The following P2RX1 variants were observed in gnomAD, a reference collection of about 807,000 sequenced individuals.
The protein encoded by P2RX1 is P2X purinoceptor 1.
P2RX1 carries 42 observed loss-of-function variants against 50.3 expected under a neutral mutation model. That is an observed-to-expected ratio of 0.83 (90% CI 0.65 to 1.08). P2RX1 has a LOEUF of 1.08. Ranked by LOEUF, P2RX1 falls within the 50% of genes least tolerant of loss-of-function variation. P2RX1 has a pLI of 0.00. For synonymous variants in P2RX1, 199 were observed against 202.6 expected (o/e 0.98, Z 0.15); for missense variants, 449 against 529.0 (o/e 0.85, Z 1.48).
In P2RX1 at chr17:3,916,157, C is replaced by G. The variant is rs986076154; in HGVS notation, c.69G>C (p.Leu23=). ...LFEYDTPRMV[L]VRNKKVGVIF... ...TAACGCCCACCTTCTTATTACGCAC[C>G]AGCACCATGCGGGGGGTGTCATACT... Residue 23 remains leucine (L), a synonymous_variant, in exon 1 of 12, where the codon CTG becomes CTC. Coordinates refer to ENST00000225538, the MANE Select transcript of P2RX1 (RefSeq NM_002558.4). 5.6e-6 allele frequency: 9 copies of G among 1,613,576 alleles called. No individual in the cohort carries two copies. The highest frequency in any genetic ancestry group is 1.1e-5 in the South Asian group (1 of 91,080).
intron 7 of P2RX1, among the ~76,000 whole-genome samples, chr17:3,901,288 C>A (rs184592924): frequency 6.6e-6 from 1 of 152,212 alleles, no homozygotes. Flanking sequence ...AGGATGGTCT[C>A]GATCTCCTGA....
chr17:3,903,425 A>T lies in P2RX1; in HGVS notation c.606-82T>A, dbSNP rs913968396. The T allele has an allele frequency of 1.9e-6, 3 of 1,588,862 alleles. No individual in the cohort carries two copies. In the African/African-American group the frequency reaches 4.0e-5, roughly 21 times the overall value. On this transcript the variant is annotated intron_variant, in intron 6 of 11. Transcript: ENST00000225538. The surrounding 1 kb of genome is among the most constrained non-coding windows in gnomAD (Gnocchi z 4.6). Reference sequence around the variant, plus strand: ...ACGCCCCAAAGCCTGGGGACCCCTCACAGGCTCCACATTGCCCCTTTGATT... The same window carrying T: ...ACGCCCCAAAGCCTGGGGACCCCTCTCAGGCTCCACATTGCCCCTTTGATT...
rs1387206935 is a variant in P2RX1 at position 3,903,536 on chromosome 17, G to T, written c.605+15C>A. Reference sequence around the variant, plus strand: ...CGGCCAGCTGCCTGCATTTCTGCCCGAATTTCCCACGCACCTGTTGACCTT... The same window carrying T: ...CGGCCAGCTGCCTGCATTTCTGCCCTAATTTCCCACGCACCTGTTGACCTT... On this transcript the variant is annotated intron_variant, in intron 6 of 11. Coordinates refer to ENST00000225538, the MANE Select transcript of P2RX1 (RefSeq NM_002558.4). This position sits in a 1 kb window ranked among gnomAD's most constrained non-coding sequence, Gnocchi z 4.6. The T allele has an allele frequency of 6.2e-7, 1 of 1,613,656 alleles. No homozygotes were observed.
Position 3,916,103 on chromosome 17 carries a change from C to G in P2RX1, c.123G>C (p.Leu41=). The G allele has an allele frequency of 1.2e-6, 2 of 1,613,590 alleles. 1 individual carries two copies. ...VIFRLIQLVV[L]VYVIGWVFLY... is the part of the protein sequence containing the mutation. ...CCCGGACTCACCCGATGACGTAGAC[C>G]AGGACCACCAGCTGGATCAGTCGGA... The change falls in exon 1 of 12, where the codon CTG becomes CTC. Residue 41 remains leucine, a synonymous_variant. Transcript: ENST00000225538.
In P2RX1 at chr17:3,899,769, G is replaced by T. The variant is rs762864756; in HGVS notation, c.748-8C>A. Reference sequence around the variant, plus strand: ...GATGCCAACCACTCCACCCTGCCAGGGACACAAGTAGTTAAGATCTGGGAT... The same window carrying T: ...GATGCCAACCACTCCACCCTGCCAGTGACACAAGTAGTTAAGATCTGGGAT... On this transcript the variant is annotated splice_polypyrimidine_tract_variant and splice_region_variant and intron_variant, in intron 7 of 11. Transcript: ENST00000225538. The T allele has an allele frequency of 1.9e-6, 3 of 1,612,922 alleles. No individual in the cohort carries two copies. Among genetic ancestry groups the T allele is most frequent in the East Asian group, 4.5e-5 (2 of 44,830 alleles).
At chr17:3,899,493 A>C in intron 8 of P2RX1, 141 bp downstream of exon 8, 5 of 1,137,722 alleles carry the variant, frequency 4.4e-6, no homozygotes, top group Non-Finnish European at 1.3e-6. Context: ...GGCTTCCTGC[A>C]TGGCCACCCA....
At chr17:3,899,830 G>A in intron 7 of P2RX1, 69 bp from the exon 8 acceptor site, 1 of 1,583,178 alleles carries the variant, frequency 6.3e-7, no homozygotes, top group South Asian at 1.1e-5. Flanking sequence ...GCCGGGCGCA[G>A]TGGCTCACAC....
chr17:3,901,315 C>G (rs1339280667), intron 7 of P2RX1, among the ~76,000 whole-genome samples: 3 of 152,262 alleles, frequency 2.0e-5, no homozygotes, highest in Admixed American at 2.0e-4. Flanking sequence ...GATCCGCCCG[C>G]CTTGGCCTCC....
chr17:3,915,302 A>G (rs2056429694), intron 1 of P2RX1: 5 of 379,212 alleles, frequency 1.3e-5, no homozygotes, highest in Non-Finnish European at 1.6e-5. Flanking sequence ...ATATGTACAC[A>G]TAAGGGTACC....
At chr17:3,911,375 C>T (rs1404775463) in intron 1 of P2RX1, among the ~76,000 whole-genome samples, 7 of 152,188 alleles carry the variant, frequency 4.6e-5, no homozygotes, top group Admixed American at 3.9e-4. Context: ...ATAAATCTCA[C>T]TTCCCACTTC....
chr17:3,903,511 C>A lies in P2RX1; in HGVS notation c.605+40G>T. ...CAGCTGAGAGCTGCCGGAGCGGCCCCGGCCAGCTGCCTGCATTTCTGCCCG... is the reference window on the plus strand; with the variant it reads ...CAGCTGAGAGCTGCCGGAGCGGCCCAGGCCAGCTGCCTGCATTTCTGCCCG... On this transcript the variant is annotated intron_variant, in intron 6 of 11. Coordinates refer to ENST00000225538, the MANE Select transcript of P2RX1 (RefSeq NM_002558.4). This position sits in a 1 kb window ranked among gnomAD's most constrained non-coding sequence, Gnocchi z 4.6. 6.2e-7 allele frequency: 1 copy of A among 1,606,194 alleles called. No individual in the cohort carries two copies. The highest frequency in any genetic ancestry group is 8.5e-7 in the Non-Finnish European group (1 of 1,173,268).
chr17:3,900,140 C>A (rs1241324266), intron 7 of P2RX1, among the ~76,000 whole-genome samples: 1 of 150,400 alleles, frequency 6.6e-6, no homozygotes, highest in Non-Finnish European at 1.5e-5. Context: ...ACAGCTGGTA[C>A]ACGCACTCTC....
In P2RX1 at chr17:3,897,763, C is replaced by T; in HGVS notation, c.*51G>A. 6.4e-7 allele frequency: 1 copy of T among 1,562,056 alleles called. No homozygotes were observed. Among genetic ancestry groups the T allele is most frequent in the Non-Finnish European group, 8.8e-7 (1 of 1,138,774 alleles). ...CTGCCCTGGCTGGGACCCACCAGGG[C>T]TCCAGGCTGAAGCCTCACGCTGCAC... On this transcript the variant is annotated 3_prime_UTR_variant, in exon 12 of 12. Transcript: ENST00000225538.
Position 3,904,946 on chromosome 17 carries a change from G to A in P2RX1, c.286-17C>T. 3.7e-6 allele frequency: 5 copies of A among 1,334,348 alleles called. No homozygotes were observed. The highest frequency in any genetic ancestry group is 5.3e-6 in the Non-Finnish European group (5 of 941,970). The allele number at this position is 1,334,348 out of a possible 1,614,324, so 82.7% of individuals were successfully genotyped here. On this transcript the variant is annotated splice_polypyrimidine_tract_variant and intron_variant, in intron 2 of 11. Transcript: ENST00000225538. ...GTTGTCCCCCTAGAAGTGAGGGGCA[G>A]GGGGAGGGTGGGGTGGGCTGGGAGC...
chr17:3,903,689 C>T lies in P2RX1; in HGVS notation c.525-58G>A. On this transcript the variant is annotated intron_variant, in intron 5 of 11. Coordinates refer to ENST00000225538, the MANE Select transcript of P2RX1 (RefSeq NM_002558.4). The surrounding 1 kb of genome is among the most constrained non-coding windows in gnomAD (Gnocchi z 4.6). ...CCCAGGAGGCCCCCTGTGTGTCCCA[C>T]ACAGAGCTTGGCACAGCAGGGGGTG... is the stretch of plus-strand genomic sequence containing the variant. 3 of 1,568,386 alleles carry T rather than the reference C, an allele frequency of 1.9e-6. No homozygotes were observed. Among genetic ancestry groups the T allele is most frequent in the Non-Finnish European group, 1.8e-6 (2 of 1,140,232 alleles).
intron 7 of P2RX1, among the ~76,000 whole-genome samples, chr17:3,900,561 A>G (rs1567649207): frequency 1.3e-5 from 2 of 152,126 alleles, no homozygotes; most frequent in Non-Finnish European, 2.9e-5. Flanking sequence ...CTTCCCTCCC[A>G]TTACCCTCCA....
chr17:3,916,355 G>T lies in P2RX1; in HGVS notation c.-130C>A. 9.4e-7 allele frequency: 1 copy of T among 1,060,630 alleles called. No homozygotes were observed. Among genetic ancestry groups the T allele is most frequent in the Non-Finnish European group, 1.4e-6 (1 of 728,344 alleles). 65.7% of individuals were successfully genotyped at this position (1,060,630 alleles called of 1,614,324 possible). A position where few individuals can be genotyped will look rare whatever the true frequency, so the allele number is the denominator to read the frequency against. ...CTGGCCCCTTAGGAAGAGCAGGGCGGTGCAGGTGGAGCCAGAGGACAGGAG... is the reference window on the plus strand; with the variant it reads ...CTGGCCCCTTAGGAAGAGCAGGGCGTTGCAGGTGGAGCCAGAGGACAGGAG... On this transcript the variant is annotated 5_prime_UTR_variant, in exon 1 of 12. Transcript: ENST00000225538.
At position 3,916,080 on chromosome 17, in the gene P2RX1, C is replaced by T. The variant is rs1003609762; in HGVS notation, c.137+9G>A. On this transcript the variant is annotated intron_variant, in intron 1 of 11. Transcript: ENST00000225538. ...GCTGGTGCAGGCAGCGGGAGGCGCCCGGACTCACCCGATGACGTAGACCAG... is the reference window on the plus strand; with the variant it reads ...GCTGGTGCAGGCAGCGGGAGGCGCCTGGACTCACCCGATGACGTAGACCAG... 8 of 1,613,072 alleles carry T rather than the reference C, an allele frequency of 5.0e-6. No homozygotes were observed. The East Asian group carries it at 6.7e-5, about 13-fold the overall frequency.
chr17:3,904,963 G>GGCC, intron 2 of P2RX1, 34 bp from the exon 3 acceptor site: 1 of 435,318 alleles, frequency 2.3e-6, no homozygotes, highest in Non-Finnish European at 4.7e-6. Flanking sequence ...GGTGGGGTGG[G>GGCC]CTGGGAGCTG....
Sources: gnomAD v4.1 joint callset for allele counts (sites outside exome capture counted in the v4.1 genomes callset) on GRCh38, gnomAD v4.1.1 for gene constraint, Gnocchi (gnomAD v3.1) non-coding constraint, MANE v1.5 for transcripts, NCBI Gene and HGNC (gene_info 2026-07-23, HGNC 2026-07-21) for gene names.